MCC: variants seen among roughly 807,000 people sequenced by gnomAD.
MCC encodes the protein MCC regulator of Wnt signaling pathway.
In MCC, 90 loss-of-function variants were observed where a neutral mutation model predicts 116.2. The ratio of observed to expected loss-of-function variants is 0.77; its 90% confidence interval spans 0.65 to 0.92. MCC has a LOEUF of 0.92. MCC is among the 40% of genes least tolerant of loss of function. The pLI, the probability that MCC is intolerant of heterozygous loss-of-function variation, is 0.00. For synonymous variants in MCC, 578 were observed against 510.5 expected, an observed-to-expected ratio of 1.13 and a Z score of -1.78; for missense variants, 1,516 against 1,312.2, an observed-to-expected ratio of 1.16 and a Z score of -2.40.
intron 18 of MCC, among the ~76,000 whole-genome samples, chr5:113,027,747 T>G (rs950030505): frequency 3.3e-5 from 5 of 152,176 alleles, no homozygotes; most frequent in African/African-American, 9.7e-5. Flanking sequence ...TAGAAGGGGT[T>G]CTAAGAGTCA....
intron 1 of MCC, among the ~76,000 whole-genome samples, chr5:113,447,656 T>G (rs564609289): frequency 2.6e-5 from 4 of 152,322 alleles, no homozygotes; most frequent in East Asian, 1.9e-4. Context: ...AAAAGATTTA[T>G]CTTTTTTTAA....
intron 3 of MCC, 99 bp downstream of exon 3, chr5:113,340,420 G>A (rs1243264896): frequency 1.0e-6 from 1 of 996,666 alleles, no homozygotes; most frequent in African/African-American, 1.6e-5. Context: ...CAATAAAGAA[G>A]ACAATACCCG....
At chr5:113,155,592 T>A (rs1051120589) in intron 3 of MCC, among the ~76,000 whole-genome samples, 3 of 152,214 alleles carry the variant, frequency 2.0e-5, no homozygotes, top group Non-Finnish European at 4.4e-5. Flanking sequence ...GCAACCAAAA[T>A]TGTCAAGTAT....
At chr5:113,060,478 T>C (rs2150227491) in intron 14 of MCC, among the ~76,000 whole-genome samples, 1 of 152,262 alleles carries the variant, frequency 6.6e-6, no homozygotes, top group Non-Finnish European at 1.5e-5. Context: ...AGAAGGAAAG[T>C]GCCCTGGGGG....
At chr5:113,098,513 CT>C (rs1396507719) in intron 8 of MCC, among the ~76,000 whole-genome samples, 2 of 152,166 alleles carry the variant, frequency 1.3e-5, no homozygotes, top group Non-Finnish European at 2.9e-5. Flanking sequence ...AAGCCCAATT[CT>C]TTATGTGTGA....
At chr5:113,047,610 A>G (rs984746092) in intron 16 of MCC, among the ~76,000 whole-genome samples, 5 of 152,238 alleles carry the variant, frequency 3.3e-5, no homozygotes, top group African/African-American at 1.2e-4. Flanking sequence ...TATGAGAAGC[A>G]GCTTATTAGA....
chr5:113,274,845 C>T (rs1488296879), intron 3 of MCC, among the ~76,000 whole-genome samples: 7 of 152,160 alleles, frequency 4.6e-5, no homozygotes, highest in Admixed American at 2.0e-4. Context: ...TTTCTATTTT[C>T]ATAAATACTC....
chr5:113,248,225 T>C (rs1281245885), intron 3 of MCC, among the ~76,000 whole-genome samples: 43 of 136,204 alleles, frequency 3.2e-4, no homozygotes, highest in African/African-American at 1.2e-3. Flanking sequence ...AGTGAGACCT[T>C]GTATCTATTT....
intron 4 of MCC, among the ~76,000 whole-genome samples, chr5:113,144,360 C>T (rs941972735): frequency 3.3e-5 from 5 of 152,332 alleles, no homozygotes; most frequent in East Asian, 1.9e-4. Flanking sequence ...GCCTAGCTTG[C>T]GTCCTTGTCT....
At chr5:113,045,728 G>GCCAC (rs1752025895) in intron 16 of MCC, among the ~76,000 whole-genome samples, 1 of 151,724 alleles carries the variant, frequency 6.6e-6, no homozygotes, top group South Asian at 2.1e-4. Context: ...GAACCTGGTA[G>GCCAC]GTGGAGGCTG....
intron 14 of MCC, among the ~76,000 whole-genome samples, chr5:113,062,110 G>C (rs1315591770): frequency 2.0e-5 from 3 of 152,188 alleles, no homozygotes; most frequent in Admixed American, 6.5e-5. Flanking sequence ...ATTTTTTAAG[G>C]AGAATTGGGT....
Position 113,107,490 on chromosome 5 carries a change from G to C in MCC, c.1028-3135C>G, listed in dbSNP as rs1167935235. ...CTTGTTGTGGACCTCGACCTGAGCT[G>C]CTAAGAACTAGGATGCTCATCACTG... On this transcript the variant is annotated intron_variant, in intron 6 of 18. Coordinates refer to ENST00000408903, the MANE Select transcript of MCC (RefSeq NM_001085377.2). Among the ~76,000 whole-genome samples the C allele has an allele frequency of 2.0e-5, 3 of 152,224 alleles. No individual in the cohort carries two copies. The South Asian group carries it at 6.2e-4, about 32-fold the overall frequency.
At chr5:113,170,375 C>T (rs1432758287) in intron 3 of MCC, among the ~76,000 whole-genome samples, 5 of 152,148 alleles carry the variant, frequency 3.3e-5, no homozygotes, top group African/African-American at 4.8e-5. Context: ...TTCCTACCTC[C>T]TTAGGCAAGA....
intron 1 of MCC, among the ~76,000 whole-genome samples, chr5:113,438,020 C>G (rs1240530681): frequency 6.6e-6 from 1 of 152,106 alleles, no homozygotes. Context: ...TATCACCAGT[C>G]TATGGGACCT....
In MCC at chr5:113,104,240, G is replaced by A. The variant is rs1164226757; in HGVS notation, c.1143C>T (p.His381=). ...CSLSVAEVDK[H]IEQLTTASEH... The stretch of plus-strand genomic sequence containing the variant: ...CGCTGGCTGTGGTGAGCTGCTCAAT[G>A]TGCTTGTCCACCTCGGCCACGGAGA... The change falls in exon 7 of 19, where the codon CAC becomes CAT. Residue 381 remains histidine (H), a synonymous_variant. Transcript: ENST00000408903. The A allele has an allele frequency of 7.4e-6, 12 of 1,614,062 alleles. No homozygotes were observed. Among genetic ancestry groups the A allele is most frequent in the Non-Finnish European group, 7.6e-6 (9 of 1,180,014 alleles).
intron 3 of MCC, among the ~76,000 whole-genome samples, chr5:113,268,734 T>C (rs1765505832): frequency 6.6e-6 from 1 of 152,110 alleles, no homozygotes; most frequent in Non-Finnish European, 1.5e-5. Flanking sequence ...GTTTGGGAGG[T>C]GGATTTCTTT....
intron 3 of MCC, among the ~76,000 whole-genome samples, chr5:113,168,563 AAAG>A (rs1331909336): frequency 6.6e-6 from 1 of 152,232 alleles, no homozygotes; most frequent in African/African-American, 2.4e-5. Context: ...CTATGCCATG[AAAG>A]AATAATACAA....
intron 3 of MCC, among the ~76,000 whole-genome samples, chr5:113,302,504 CTTT>C (rs1165993598): frequency 2.0e-5 from 3 of 152,004 alleles, no homozygotes; most frequent in Admixed American, 6.5e-5. Flanking sequence ...CAGAAATATA[CTTT>C]TTGGATATTT....
At chr5:113,128,479 A>G (rs1758219973) in intron 5 of MCC, among the ~76,000 whole-genome samples, 1 of 152,244 alleles carries the variant, frequency 6.6e-6, no homozygotes, top group African/African-American at 2.4e-5. Context: ...GAAAGAATCT[A>G]TTACATACAG....
Sources: gnomAD v4.1 joint callset for allele counts (sites outside exome capture counted in the v4.1 genomes callset) on GRCh38, gnomAD v4.1.1 for gene constraint, MANE v1.5 for transcripts, NCBI Gene and HGNC (gene_info 2026-07-23, HGNC 2026-07-21) for gene names.